The following CAMSAP2 variants were observed in gnomAD, a reference collection of about 807,000 sequenced individuals.
The protein encoded by CAMSAP2 is calmodulin regulated spectrin associated protein family member 2, also known as calmodulin-regulated spectrin-associated protein 2.
CAMSAP2 carries 26 observed loss-of-function variants against 146.1 expected under a neutral mutation model. That is an observed-to-expected ratio of 0.18 (90% CI 0.13 to 0.25). The LOEUF (loss-of-function observed/expected upper bound fraction) is 0.25, where lower values mean the gene tolerates loss of function less well. Among genes scored for constraint, CAMSAP2 ranks in the 10% least tolerant of loss-of-function variants. The probability of loss-of-function intolerance (pLI) is 1.00; values close to 1 mark genes in which losing one functional copy is unlikely to be tolerated. For missense variants in CAMSAP2, 1,381 were observed against 1,759.3 expected, an observed-to-expected ratio of 0.78 and a Z score of 3.85; for synonymous variants, 499 against 596.6, an observed-to-expected ratio of 0.84 and a Z score of 2.38.
intron 11 of CAMSAP2, among the ~76,000 whole-genome samples, chr1:200,850,887 GC>G (rs1667603180): frequency 6.6e-6 from 1 of 152,104 alleles, no homozygotes; most frequent in Non-Finnish European, 1.5e-5. Flanking sequence ...CAAAAATCTT[GC>G]CTGTTGAATA....
At chr1:200,837,422 C>T (rs115696001) in intron 6 of CAMSAP2, among the ~76,000 whole-genome samples, 2,283 of 151,760 alleles carry the variant, frequency 0.015, 33 homozygotes, top group Non-Finnish European at 0.022. Flanking sequence ...TATTTCTGGG[C>T]TCTCTGTTCT....
At chr1:200,829,745 G>C (rs1314389186) in intron 4 of CAMSAP2, among the ~76,000 whole-genome samples, 2 of 152,006 alleles carry the variant, frequency 1.3e-5, no homozygotes, top group East Asian at 3.9e-4. Flanking sequence ...TGGGCAACTT[G>C]GCAAAACCTC....
At position 200,802,835 on chromosome 1, in the gene CAMSAP2, G is replaced by A. The variant is rs571948283; in HGVS notation, c.400-4541G>A. ...TAACCTTCATTTCTAATACATAAAT[G>A]TAATTTATTTTTGCTTAGACTCCAC... On this transcript the variant is annotated intron_variant, in intron 2 of 16. Coordinates refer to ENST00000358823, the MANE Select transcript of CAMSAP2 (RefSeq NM_203459.4). 4.5e-4 allele frequency among the ~76,000 whole-genome samples: 69 copies of A among 152,138 alleles called. 1 individual carries two copies. The highest frequency in any genetic ancestry group is 1.6e-3 in the African/African-American group (67 of 41,514).
chr1:200,817,219 T>TGTGTGTGTGTATACACACATACACACAC (rs1666613369), intron 4 of CAMSAP2, among the ~76,000 whole-genome samples: 9 of 105,802 alleles, frequency 8.5e-5, no homozygotes, highest in Admixed American at 1.8e-4. Flanking sequence ...CATACACACA[T>TGTGTGTGTGTATACACACATACACACAC]ATGTGTGTGT....
intron 2 of CAMSAP2, among the ~76,000 whole-genome samples, chr1:200,761,845 C>G (rs1043780092): frequency 6.6e-6 from 1 of 152,012 alleles, no homozygotes; most frequent in Admixed American, 6.6e-5. Flanking sequence ...TTGTAGACAA[C>G]ACACACAGAA....
intron 11 of CAMSAP2, among the ~76,000 whole-genome samples, chr1:200,851,482 C>A (rs10920052): frequency 0.31 from 47,051 of 152,088 alleles, 8,420 homozygotes; most frequent in East Asian, 0.53. Context: ...GGCATGAGCC[C>A]CCGTGCCCAG....
chr1:200,826,981 G>C (rs931985014), intron 4 of CAMSAP2, among the ~76,000 whole-genome samples: 3 of 152,208 alleles, frequency 2.0e-5, no homozygotes, highest in Non-Finnish European at 4.4e-5. Flanking sequence ...CAAAAGGATA[G>C]TTGCTGATCA....
intron 9 of CAMSAP2, 62 bp from the exon 10 acceptor site, chr1:200,847,578 A>G: frequency 8.0e-7 from 1 of 1,252,388 alleles, no homozygotes; most frequent in Non-Finnish European, 1.2e-6. Context: ...GAAATCTCCT[A>G]AGTTGCTATA....
At chr1:200,768,386 G>A (rs779181664) in intron 2 of CAMSAP2, among the ~76,000 whole-genome samples, 4 of 152,182 alleles carry the variant, frequency 2.6e-5, no homozygotes, top group Non-Finnish European at 5.9e-5. Context: ...TTTGAGGGGT[G>A]ATAAGAAACG....
At chr1:200,791,859 A>C (rs1232299659) in intron 2 of CAMSAP2, among the ~76,000 whole-genome samples, 1 of 152,100 alleles carries the variant, frequency 6.6e-6, no homozygotes, top group African/African-American at 2.4e-5. Flanking sequence ...TCAGTTACTC[A>C]GGAGGCTGAG....
chr1:200,741,403 T>C (rs964896833), intron 1 of CAMSAP2, among the ~76,000 whole-genome samples: 2 of 152,230 alleles, frequency 1.3e-5, no homozygotes, highest in Admixed American at 6.5e-5. Flanking sequence ...ACCACTGATA[T>C]AAGCAGTGAG....
chr1:200,745,456 T>A (rs1664296287), intron 1 of CAMSAP2, among the ~76,000 whole-genome samples: 1 of 152,190 alleles, frequency 6.6e-6, no homozygotes, highest in African/African-American at 2.4e-5. Flanking sequence ...AATATTCAAT[T>A]TGAAAATAAG....
chr1:200,753,623 A>G (rs543793270), intron 1 of CAMSAP2, among the ~76,000 whole-genome samples: 71 of 152,312 alleles, frequency 4.7e-4, no homozygotes, highest in African/African-American at 1.7e-3. Context: ...TCCTGCCCTC[A>G]AACAAGAGCT....
intron 1 of CAMSAP2, among the ~76,000 whole-genome samples, chr1:200,756,025 G>C (rs1664638279): frequency 6.6e-6 from 1 of 152,210 alleles, no homozygotes; most frequent in Non-Finnish European, 1.5e-5. Context: ...AACAGGAAGA[G>C]TTGGGTGTTT....
intron 14 of CAMSAP2, 61 bp downstream of exon 14, chr1:200,854,950 ACT>A (rs1667711377): frequency 8.4e-7 from 1 of 1,193,268 alleles, no homozygotes; most frequent in African/African-American, 1.5e-5. Flanking sequence ...AATTATACAA[ACT>A]CTAAGTAAAA....
At chr1:200,758,539 T>C (rs1158133289) in intron 1 of CAMSAP2, among the ~76,000 whole-genome samples, 1 of 152,218 alleles carries the variant, frequency 6.6e-6, no homozygotes, top group African/African-American at 2.4e-5. Context: ...GGAAAGTGTT[T>C]TCAATTATTA....
chr1:200,826,148 T>C (rs1439966087), intron 4 of CAMSAP2, among the ~76,000 whole-genome samples: 4 of 152,086 alleles, frequency 2.6e-5, no homozygotes, highest in Non-Finnish European at 4.4e-5. Flanking sequence ...TTAAGTCTAA[T>C]GGCTGGGCGT....
intron 2 of CAMSAP2, among the ~76,000 whole-genome samples, chr1:200,790,851 C>CT (rs370202907): frequency 0.01 from 1,492 of 148,742 alleles, 25 homozygotes; most frequent in African/African-American, 0.034. Flanking sequence ...ATTTTACCTC[C>CT]TTTTTTTTTT....
intron 1 of CAMSAP2, among the ~76,000 whole-genome samples, chr1:200,747,144 C>T (rs1003364756): frequency 3.3e-5 from 5 of 152,132 alleles, no homozygotes; most frequent in African/African-American, 1.2e-4. Flanking sequence ...AGCACTTTTC[C>T]TGCCTCGGCT....
Sources: gnomAD v4.1 joint callset for allele counts (sites outside exome capture counted in the v4.1 genomes callset) on GRCh38, gnomAD v4.1.1 for gene constraint, MANE v1.5 for transcripts, NCBI Gene and HGNC (gene_info 2026-07-23, HGNC 2026-07-21) for gene names.